The following GNAZ variants were observed in gnomAD, a reference collection of about 807,000 sequenced individuals.
GNAZ encodes guanine nucleotide-binding protein G(z) subunit alpha.
GNAZ carries 3 observed loss-of-function variants against 25.4 expected under a neutral mutation model. The observed-to-expected ratio is 0.12, with a 90% CI of 0.05 to 0.30. GNAZ has a LOEUF of 0.30. Ranked by LOEUF, GNAZ falls within the 10% of genes least tolerant of loss-of-function variation. GNAZ has a pLI of 1.00. For missense variants in GNAZ, 241 were observed against 501.8 expected (o/e 0.48, Z 4.97); for synonymous variants, 211 against 205.7 (o/e 1.03, Z -0.22).
At chr22:23,095,055 G>A (rs2069084120) in intron 1 of GNAZ, among the ~76,000 whole-genome samples, 192 bp from the exon 2 acceptor site, 2 of 152,230 alleles carry the variant, frequency 1.3e-5, no homozygotes, top group African/African-American at 4.8e-5. Context: ...CCAGGCAACA[G>A]CAGACATATG....
intron 2 of GNAZ, among the ~76,000 whole-genome samples, chr22:23,120,333 A>G (rs1297170012): frequency 1.3e-5 from 2 of 152,036 alleles, no homozygotes; most frequent in Non-Finnish European, 2.9e-5. Context: ...GGCGTTGGAC[A>G]AGAAGAGTGG....
At chr22:23,113,290 C>T (rs2069711417) in intron 2 of GNAZ, among the ~76,000 whole-genome samples, 1 of 152,212 alleles carries the variant, frequency 6.6e-6, no homozygotes, top group Admixed American at 6.5e-5. Flanking sequence ...TTCTCTCCCA[C>T]AGATCTTACC....
Position 23,124,647 on chromosome 22 carries a change from G to A in GNAZ, c.*1216G>A. The stretch of plus-strand genomic sequence containing the variant: ...AGTGAAGGAAGGGGAGCAAGGGGTG[G>A]TGCCCCTGGTCCCAGCATGCCCCGC... On this transcript the variant is annotated 3_prime_UTR_variant, in exon 3 of 3. Coordinates refer to ENST00000615612, the MANE Select transcript of GNAZ (RefSeq NM_002073.4). 1 of 219,992 alleles carries A rather than the reference G, an allele frequency of 4.5e-6. No individual in the cohort carries two copies. The highest frequency in any genetic ancestry group is 4.4e-5 in the South Asian group (1 of 22,672). The allele number at this position is 219,992 out of a possible 1,614,324, so 13.6% of individuals were successfully genotyped here. A position where few individuals can be genotyped will look rare whatever the true frequency, so the allele number is the denominator to read the frequency against.
intron 2 of GNAZ, among the ~76,000 whole-genome samples, chr22:23,097,684 C>G (rs1300906424): frequency 1.3e-5 from 2 of 152,262 alleles, no homozygotes; most frequent in Non-Finnish European, 2.9e-5. Flanking sequence ...AGTTCAGCCC[C>G]ATGTGTGGTT....
chr22:23,109,210 A>G (rs1305222355), intron 2 of GNAZ, among the ~76,000 whole-genome samples: 1 of 152,126 alleles, frequency 6.6e-6, no homozygotes, highest in Non-Finnish European at 1.5e-5. Context: ...CCTCTGGGGT[A>G]AGGTAGAGTT....
chr22:23,115,807 A>G (rs982958039), intron 2 of GNAZ, among the ~76,000 whole-genome samples: 4 of 152,252 alleles, frequency 2.6e-5, no homozygotes, highest in Non-Finnish European at 5.9e-5. Context: ...AGCACAGTAC[A>G]TGATTGCTCA....
intron 2 of GNAZ, among the ~76,000 whole-genome samples, chr22:23,104,726 A>T (rs1051246157): frequency 3.3e-5 from 5 of 151,224 alleles, no homozygotes; most frequent in African/African-American, 1.2e-4. Flanking sequence ...GGGATCTGCC[A>T]CTCAGGGGAG....
rs1292953719 is a variant in GNAZ at position 23,123,874 on chromosome 22, C to T, written c.*443C>T. The T allele has an allele frequency of 4.5e-6, 1 of 222,254 alleles. No homozygotes were observed. The highest frequency in any genetic ancestry group is 5.2e-5 in the Admixed American group (1 of 19,186). 13.8% of individuals were successfully genotyped at this position (222,254 alleles called of 1,614,324 possible). A position where few individuals can be genotyped will look rare whatever the true frequency, so the allele number is the denominator to read the frequency against. Reference sequence around the variant, plus strand: ...GAGGAGGGCCAGCTCGCTGCCCGAGCTCTGGCCTAGGGACCTTGCCGCTGA... The same window carrying T: ...GAGGAGGGCCAGCTCGCTGCCCGAGTTCTGGCCTAGGGACCTTGCCGCTGA... On this transcript the variant is annotated 3_prime_UTR_variant, in exon 3 of 3. Coordinates refer to ENST00000615612, the MANE Select transcript of GNAZ (RefSeq NM_002073.4).
At position 23,099,261 on chromosome 22, in the gene GNAZ, G is replaced by A. The variant is rs184399679; in HGVS notation, c.723+2843G>A. Among the ~76,000 whole-genome samples, 856 of 152,400 alleles carry A rather than the reference G, an allele frequency of 5.6e-3. 3 individuals are homozygous for A. Among genetic ancestry groups the A allele is most frequent in the Non-Finnish European group, 8.6e-3 (588 of 68,046 alleles). On this transcript the variant is annotated intron_variant, in intron 2 of 2. Transcript: ENST00000615612. Reference sequence around the variant, plus strand: ...GTGCAGGGCAGCACCTCAGAGCAGGGAAGGCAGATTTCCGGGTGTCTGTGG... The same window carrying A: ...GTGCAGGGCAGCACCTCAGAGCAGGAAAGGCAGATTTCCGGGTGTCTGTGG...
At chr22:23,116,954 G>A (rs938540880) in intron 2 of GNAZ, among the ~76,000 whole-genome samples, 7 of 152,246 alleles carry the variant, frequency 4.6e-5, no homozygotes, top group African/African-American at 1.2e-4. Flanking sequence ...CTCTCCCACC[G>A]CAGGCCCATG....
At chr22:23,117,758 T>C (rs921115097) in intron 2 of GNAZ, among the ~76,000 whole-genome samples, 1 of 152,114 alleles carries the variant, frequency 6.6e-6, no homozygotes, top group Non-Finnish European at 1.5e-5. Flanking sequence ...GGAAATGACT[T>C]GTCCAAGGTG....
In GNAZ at chr22:23,095,811, T is replaced by G; in HGVS notation, c.116T>G (p.Leu39Arg). 6.2e-7 allele frequency: 1 copy of G among 1,613,518 alleles called. No homozygotes were observed. The highest frequency in any genetic ancestry group is 8.5e-7 in the Non-Finnish European group (1 of 1,180,028). Residue 39 changes from leucine to arginine, a missense_variant, in exon 2 of 3, where the codon CTG becomes CGG. Coordinates refer to ENST00000615612, the MANE Select transcript of GNAZ (RefSeq NM_002073.4). ...RQRREIKLLL[L>R]GTSNSGKSTI... ...CGCCGCGAAATCAAGCTGCTCCTGC[T>G]GGGCACCAGCAACTCAGGCAAGAGC... is the stretch of plus-strand genomic sequence containing the variant.
intron 1 of GNAZ, among the ~76,000 whole-genome samples, chr22:23,075,118 T>C (rs2068477296): frequency 6.6e-6 from 1 of 152,024 alleles, no homozygotes; most frequent in African/African-American, 2.4e-5. Context: ...TCAAGGATAA[T>C]ATTGGGGATG....
intron 2 of GNAZ, among the ~76,000 whole-genome samples, chr22:23,108,344 A>G (rs1348731038): frequency 6.6e-6 from 1 of 152,240 alleles, no homozygotes; most frequent in Non-Finnish European, 1.5e-5. Context: ...GCAGCAAATT[A>G]AAAGGGTTGG....
At chr22:23,117,181 G>A (rs2069866569) in intron 2 of GNAZ, among the ~76,000 whole-genome samples, 1 of 152,106 alleles carries the variant, frequency 6.6e-6, no homozygotes. Context: ...CCTGGTACTT[G>A]GGGCTGTTCT....
intron 2 of GNAZ, among the ~76,000 whole-genome samples, chr22:23,120,170 A>G (rs1414353901): frequency 6.6e-6 from 1 of 152,200 alleles, no homozygotes; most frequent in Non-Finnish European, 1.5e-5. Flanking sequence ...TAAGTCAGGA[A>G]CAGGAGGCTC....
At chr22:23,097,189 G>C (rs1317127540) in intron 2 of GNAZ, among the ~76,000 whole-genome samples, 1 of 152,196 alleles carries the variant, frequency 6.6e-6, no homozygotes, top group Admixed American at 6.5e-5. Context: ...GGGAGTGGGG[G>C]CAAACAAGGA....
intron 2 of GNAZ, among the ~76,000 whole-genome samples, chr22:23,099,166 C>T (rs537435341): frequency 7.2e-5 from 11 of 152,372 alleles, no homozygotes; most frequent in Admixed American, 7.2e-4. Context: ...CACCCGCTGG[C>T]TTCTGCGTCA....
intron 2 of GNAZ, among the ~76,000 whole-genome samples, chr22:23,113,913 C>G (rs553629618): frequency 1.3e-5 from 2 of 152,372 alleles, no homozygotes; most frequent in Non-Finnish European, 2.9e-5. Context: ...ATGTTGGTCA[C>G]TGTGTCAGCA....
Sources: gnomAD v4.1 joint callset for allele counts (sites outside exome capture counted in the v4.1 genomes callset) on GRCh38, gnomAD v4.1.1 for gene constraint, MANE v1.5 for transcripts, NCBI Gene and HGNC (gene_info 2026-07-23, HGNC 2026-07-21) for gene names.